KCNH8: variants seen among roughly 807,000 people sequenced by gnomAD.
KCNH8 encodes voltage-gated delayed rectifier potassium channel KCNH8.
A neutral mutation model predicts 103.6 loss-of-function variants in KCNH8; 70 were observed. That is an observed-to-expected ratio of 0.68 (90% CI 0.56 to 0.82). KCNH8 has a LOEUF of 0.82. KCNH8 is among the 40% of genes least tolerant of loss of function. The probability of loss-of-function intolerance (pLI) is 0.00; values close to 1 mark genes in which losing one functional copy is unlikely to be tolerated. For missense variants in KCNH8, 1,217 were observed against 1,329.9 expected, an observed-to-expected ratio of 0.92 and a Z score of 1.32; for synonymous variants, 498 against 489.4, an observed-to-expected ratio of 1.02 and a Z score of -0.23.
At chr3:19,315,967 G>A (rs1369467304) in intron 3 of KCNH8, among the ~76,000 whole-genome samples, 2 of 152,076 alleles carry the variant, frequency 1.3e-5, no homozygotes, top group East Asian at 1.9e-4. Context: ...TGAATCAATT[G>A]AAAGTTAACT....
chr3:19,206,662 G>A (rs112665350), intron 1 of KCNH8, among the ~76,000 whole-genome samples: 3,004 of 151,902 alleles, frequency 0.02, 94 homozygotes, highest in African/African-American at 0.067. Flanking sequence ...GTCTATACCC[G>A]GTAGATAAGA....
chr3:19,269,554 T>C (rs1360234369), intron 2 of KCNH8, among the ~76,000 whole-genome samples: 1 of 152,094 alleles, frequency 6.6e-6, no homozygotes, highest in Non-Finnish European at 1.5e-5. Context: ...TACCTATTCT[T>C]TTTCATGCAT....
At chr3:19,286,804 A>AT (rs987179101) in intron 3 of KCNH8, among the ~76,000 whole-genome samples, 7 of 152,076 alleles carry the variant, frequency 4.6e-5, no homozygotes, top group African/African-American at 1.7e-4. Context: ...ACCATCCACT[A>AT]TTTTTCTGAA....
At chr3:19,249,357 G>A (rs1462353135) in intron 1 of KCNH8, among the ~76,000 whole-genome samples, 1 of 152,216 alleles carries the variant, frequency 6.6e-6, no homozygotes, top group Admixed American at 6.5e-5. Context: ...TGAGCTTTAT[G>A]AAGCTCAGAC....
At chr3:19,507,100 C>T (rs1376916710) in intron 11 of KCNH8, among the ~76,000 whole-genome samples, 1 of 152,172 alleles carries the variant, frequency 6.6e-6, no homozygotes, top group Non-Finnish European at 1.5e-5. Context: ...GACAAACGCA[C>T]TGCTGGCCTG....
At chr3:19,376,041 GCTGT>G (rs1425654258) in intron 5 of KCNH8, among the ~76,000 whole-genome samples, 3 of 152,130 alleles carry the variant, frequency 2.0e-5, no homozygotes, top group African/African-American at 7.2e-5. Flanking sequence ...AGAGGTTACT[GCTGT>G]CTTTTTGTTT....
At chr3:19,212,017 G>T (rs1229434614) in intron 1 of KCNH8, among the ~76,000 whole-genome samples, 1 of 152,138 alleles carries the variant, frequency 6.6e-6, no homozygotes, top group African/African-American at 2.4e-5. Flanking sequence ...AATAAGATTA[G>T]AAAGACTGGT....
chr3:19,434,901 A>G (rs1236895441), intron 7 of KCNH8, among the ~76,000 whole-genome samples: 1 of 152,162 alleles, frequency 6.6e-6, no homozygotes, highest in Middle Eastern at 3.2e-3. Flanking sequence ...TAATGATCTC[A>G]ACACAGCACA....
Position 19,271,981 on chromosome 3 carries a change from A to G in KCNH8, c.311-9217A>G, listed in dbSNP as rs58776419. Among the ~76,000 whole-genome samples the G allele has an allele frequency of 2.8e-3, 432 of 152,288 alleles. 3 individuals are homozygous for G. The highest frequency in any genetic ancestry group is 9.6e-3 in the African/African-American group (398 of 41,572). On this transcript the variant is annotated intron_variant, in intron 2 of 15. Coordinates refer to ENST00000328405, the MANE Select transcript of KCNH8 (RefSeq NM_144633.3). ...AAAAATATATGGCATAACTTATCAA[A>G]TCAAATAAATTAATGAGAATCTGAA...
chr3:19,201,259 A>AAG (rs2063658689), intron 1 of KCNH8, among the ~76,000 whole-genome samples: 1 of 145,500 alleles, frequency 6.9e-6, no homozygotes, highest in Non-Finnish European at 1.5e-5. Context: ...AAAAAAAAAA[A>AAG]AAAGAAAAGA....
chr3:19,183,445 G>A (rs896759334), intron 1 of KCNH8, among the ~76,000 whole-genome samples: 6 of 152,074 alleles, frequency 3.9e-5, no homozygotes, highest in African/African-American at 1.2e-4. Flanking sequence ...CAATGGAATC[G>A]AATATACAGC....
At chr3:19,262,475 T>C (rs1038864797) in intron 2 of KCNH8, among the ~76,000 whole-genome samples, 4 of 152,162 alleles carry the variant, frequency 2.6e-5, no homozygotes, top group African/African-American at 9.6e-5. Flanking sequence ...GACAATGATT[T>C]GGGTTGTAAA....
chr3:19,306,102 T>C (rs1334092062), intron 3 of KCNH8, among the ~76,000 whole-genome samples: 2 of 152,060 alleles, frequency 1.3e-5, no homozygotes, highest in East Asian at 3.9e-4. Context: ...TATGAACTAT[T>C]GGACAAGTTA....
intron 11 of KCNH8, among the ~76,000 whole-genome samples, chr3:19,485,642 C>T (rs888163640): frequency 5.3e-5 from 8 of 152,104 alleles, no homozygotes; most frequent in Non-Finnish European, 1.0e-4. Context: ...TGGAAAAAGT[C>T]TTTTTCTTCC....
At position 19,534,687 on chromosome 3, in the gene KCNH8, T is replaced by A. The variant is rs1298179733; in HGVS notation, c.*588T>A. The stretch of plus-strand genomic sequence containing the variant: ...TTTATCAAAAAAACACAGAGGCTAT[T>A]TTTATATCCTTGGTATGAAATATGT... On this transcript the variant is annotated 3_prime_UTR_variant, in exon 16 of 16. Transcript: ENST00000328405. 1 of 152,688 alleles carries A rather than the reference T, an allele frequency of 6.5e-6. No homozygotes were observed. The highest frequency in any genetic ancestry group is 1.5e-5 in the Non-Finnish European group (1 of 68,072). The allele number at this position is 152,688 out of a possible 1,614,324, so 9.5% of individuals were successfully genotyped here. A position where few individuals can be genotyped will look rare whatever the true frequency, so the allele number is the denominator to read the frequency against.
chr3:19,294,117 T>A (rs1298601208), intron 3 of KCNH8, among the ~76,000 whole-genome samples: 1 of 152,180 alleles, frequency 6.6e-6, no homozygotes, highest in African/African-American at 2.4e-5. Context: ...AATGGCCCTT[T>A]GGCTTTGAAT....
At chr3:19,226,918 CAGT>C (rs1559431553) in intron 1 of KCNH8, among the ~76,000 whole-genome samples, 3 of 152,166 alleles carry the variant, frequency 2.0e-5, no homozygotes, top group African/African-American at 7.2e-5. Context: ...CACAATTTCC[CAGT>C]CTCTTATCTC....
chr3:19,459,972 CTCTG>C (rs1479593974), intron 11 of KCNH8, among the ~76,000 whole-genome samples: 1 of 151,976 alleles, frequency 6.6e-6, no homozygotes, highest in Non-Finnish European at 1.5e-5. Flanking sequence ...CTCTCTCTCT[CTCTG>C]TCATTTGTTC....
intron 3 of KCNH8, among the ~76,000 whole-genome samples, chr3:19,319,892 A>G (rs1283390822): frequency 2.6e-5 from 4 of 151,926 alleles, no homozygotes; most frequent in Non-Finnish European, 5.9e-5. Flanking sequence ...TTGGTTAAGT[A>G]TATTCCTAAG....
Sources: allele counts gnomAD v4.1 joint callset (sites outside exome capture counted in the v4.1 genomes callset), GRCh38; gene constraint gnomAD v4.1.1; transcripts MANE v1.5; gene names NCBI Gene and HGNC (gene_info 2026-07-23, HGNC 2026-07-21).